The following SPMIP3 variants were observed in gnomAD, a reference collection of about 807,000 sequenced individuals.
SPMIP3 encodes the protein protein SPMIP3.
chr1:244,368,042 C>T, the SPMIP3 span, among the ~76,000 whole-genome samples: 1 of 152,164 alleles, frequency 6.6e-6, no homozygotes, highest in Non-Finnish European at 1.5e-5. Context: ...TTCACTGCAA[C>T]TTCTGCCTCC....
At chr1:244,383,829 A>G in the SPMIP3 span, among the ~76,000 whole-genome samples, 1 of 152,208 alleles carries the variant, frequency 6.6e-6, no homozygotes, top group South Asian at 2.1e-4. Context: ...GAAAGACCAG[A>G]GTATGAAAGA....
the SPMIP3 span, among the ~76,000 whole-genome samples, chr1:244,356,718 A>C: frequency 6.6e-6 from 1 of 152,198 alleles, no homozygotes; most frequent in South Asian, 2.1e-4. Context: ...ATTCAATAGA[A>C]TGAAATATAT....
At chr1:244,359,266 C>T in the SPMIP3 span, among the ~76,000 whole-genome samples, 4 of 152,080 alleles carry the variant, frequency 2.6e-5, no homozygotes, top group African/African-American at 9.7e-5. Context: ...GACTCAAACA[C>T]CATTGCTAAT....
At chr1:244,354,783 T>C in the SPMIP3 span, among the ~76,000 whole-genome samples, 1 of 152,248 alleles carries the variant, frequency 6.6e-6, no homozygotes, top group Non-Finnish European at 1.5e-5. Flanking sequence ...AGATGCTTCA[T>C]ATCAGGGAAA....
At chr1:244,368,179 G>A in the SPMIP3 span, among the ~76,000 whole-genome samples, 7 of 152,002 alleles carry the variant, frequency 4.6e-5, no homozygotes, top group African/African-American at 1.7e-4. Context: ...GGCTGGTCTC[G>A]AACTCCTGAC....
chr1:244,352,709 G>T, the SPMIP3 span: 2 of 152,198 alleles, frequency 1.3e-5, no homozygotes, highest in Non-Finnish European at 2.9e-5. Flanking sequence ...GAACAAGGAG[G>T]TCTCTGCCCA....
chr1:244,375,226 G>C, the SPMIP3 span: 1 of 565,686 alleles, frequency 1.8e-6, no homozygotes, highest in East Asian at 3.1e-5. Flanking sequence ...ACCCTTATCA[G>C]GAAATTCCAT....
the SPMIP3 span, among the ~76,000 whole-genome samples, chr1:244,376,856 G>A: frequency 6.6e-6 from 1 of 151,814 alleles, no homozygotes; most frequent in Non-Finnish European, 1.5e-5. Flanking sequence ...TGTTGCCCAG[G>A]CTGAAGCGCA....
the SPMIP3 span, among the ~76,000 whole-genome samples, chr1:244,379,263 C>T: frequency 5.4e-4 from 81 of 150,240 alleles, no homozygotes; most frequent in Non-Finnish European, 9.5e-4. Context: ...GACATGGTCT[C>T]GCTATGTTGC....
At chr1:244,359,140 CAAAAA>C in the SPMIP3 span, among the ~76,000 whole-genome samples, 1 of 133,204 alleles carries the variant, frequency 7.5e-6, no homozygotes, top group Non-Finnish European at 1.6e-5. Context: ...TGATTAATGG[CAAAAA>C]AAAAAAAAAA....
the SPMIP3 span, among the ~76,000 whole-genome samples, chr1:244,361,235 C>CTTTTTTTTTTTTTTTTTTTTTTTTTTTT: frequency 2.5e-5 from 3 of 119,314 alleles, no homozygotes; most frequent in Non-Finnish European, 3.4e-5. Flanking sequence ...TTCTTTCTTT[C>CTTTTTTTTTTTTTTTTTTTTTTTTTTTT]TTTTTTTTTT....
the SPMIP3 span, among the ~76,000 whole-genome samples, chr1:244,379,223 C>T: frequency 1.7e-4 from 25 of 150,440 alleles, no homozygotes; most frequent in African/African-American, 4.7e-4. Flanking sequence ...CCACTGCGCC[C>T]GGCCTTTTTT....
At chr1:244,384,830 T>A in the SPMIP3 span, among the ~76,000 whole-genome samples, 1 of 152,196 alleles carries the variant, frequency 6.6e-6, no homozygotes, top group Non-Finnish European at 1.5e-5. Context: ...TGAGGGAGTT[T>A]TTCACAGAAT....
chr1:244,381,431 G>C, the SPMIP3 span, among the ~76,000 whole-genome samples: 1 of 152,156 alleles, frequency 6.6e-6, no homozygotes, highest in Non-Finnish European at 1.5e-5. Flanking sequence ...GTTCTCCCTT[G>C]CTTAGTTTAG....
chr1:244,362,808 T>G, the SPMIP3 span, among the ~76,000 whole-genome samples: 1 of 151,782 alleles, frequency 6.6e-6, no homozygotes, highest in Non-Finnish European at 1.5e-5. Context: ...AGCCACTCAG[T>G]TTTCCTTCTC....
the SPMIP3 span, chr1:244,375,604 C>G: frequency 2.0e-6 from 1 of 499,938 alleles, no homozygotes; most frequent in Non-Finnish European, 3.4e-6. Context: ...AAGAGGTTTG[C>G]AAGAAAATAT....
chr1:244,354,997 G>C, the SPMIP3 span, among the ~76,000 whole-genome samples: 1 of 152,156 alleles, frequency 6.6e-6, no homozygotes, highest in African/African-American at 2.4e-5. Context: ...CAACATGGCG[G>C]CGAAATCACG....
chr1:244,364,774 G>C, the SPMIP3 span: 1 of 1,613,738 alleles, frequency 6.2e-7, no homozygotes, highest in South Asian at 1.1e-5. Context: ...TCTTCCAGAT[G>C]CACAGCCTCC....
the SPMIP3 span, among the ~76,000 whole-genome samples, chr1:244,365,564 A>G: frequency 6.6e-6 from 1 of 152,100 alleles, no homozygotes; most frequent in African/African-American, 2.4e-5. Context: ...TAAAATACCC[A>G]GTCTCGGGTA....
Sources: allele counts gnomAD v4.1 joint callset (sites outside exome capture counted in the v4.1 genomes callset), GRCh38; gene constraint gnomAD v4.1.1; transcripts MANE v1.5; gene names NCBI Gene and HGNC (gene_info 2026-07-23, HGNC 2026-07-21).